The following NEMP2 variants were observed in gnomAD, a reference collection of about 807,000 sequenced individuals.
NEMP2 encodes the protein UPF0571 transmembrane protein.
In NEMP2, 53 loss-of-function variants were observed where a neutral mutation model predicts 54.2. The ratio of observed to expected loss-of-function variants is 0.98; its 90% CI spans 0.78 to 1.23. The LOEUF (loss-of-function observed/expected upper bound fraction) is 1.23. NEMP2 is among the 50% of genes most tolerant of loss of function. The probability of loss-of-function intolerance (pLI) is 0.00; values close to 1 mark genes in which losing one functional copy is unlikely to be tolerated. For missense variants in NEMP2, 455 were observed against 511.3 expected (o/e 0.89, Z 1.06); for synonymous variants, 197 against 190.3 (o/e 1.04, Z -0.29).
At chr2:190,463,290 T>A in the NEMP2 span, among the ~76,000 whole-genome samples, 1 of 152,194 alleles carries the variant, frequency 6.6e-6, no homozygotes, top group African/African-American at 2.4e-5. The surrounding 1 kb of genome is among the most constrained non-coding windows in gnomAD (Gnocchi z 4.4). Flanking sequence ...ATTTTCTTAC[T>A]CTCTTAAACT....
the NEMP2 span, among the ~76,000 whole-genome samples, chr2:190,425,353 A>T: frequency 1.4e-4 from 21 of 152,264 alleles, no homozygotes; most frequent in African/African-American, 4.8e-4. This position sits in a 1 kb window ranked among gnomAD's most constrained non-coding sequence, Gnocchi z 4.3. Context: ...CACTGGTGAG[A>T]ACTTCCAGCA....
the NEMP2 span, among the ~76,000 whole-genome samples, chr2:190,450,263 A>G: frequency 6.6e-6 from 1 of 152,098 alleles, no homozygotes; most frequent in Non-Finnish European, 1.5e-5. Flanking sequence ...CTGCAATTAT[A>G]TAATTTTGAA....
At chr2:190,556,868 A>G in the NEMP2 span, among the ~76,000 whole-genome samples, 1 of 152,232 alleles carries the variant, frequency 6.6e-6, no homozygotes, top group Non-Finnish European at 1.5e-5. Context: ...CATGGATAGG[A>G]AAAATCAATA....
At chr2:190,436,077 G>C in the NEMP2 span, 1 of 1,614,092 alleles carries the variant, frequency 6.2e-7, no homozygotes. The surrounding 1 kb of genome is among the most constrained non-coding windows in gnomAD (Gnocchi z 5.3). Context: ...AAGAGGAACA[G>C]AAGAGAAAGT....
At chr2:190,642,043 TC>T in the NEMP2 span, among the ~76,000 whole-genome samples, 2 of 152,236 alleles carry the variant, frequency 1.3e-5, no homozygotes, top group South Asian at 4.1e-4. The surrounding 1 kb of genome is among the most constrained non-coding windows in gnomAD (Gnocchi z 4.1). Context: ...TTCTGCTCTT[TC>T]TATAAGCAAT....
chr2:190,500,368 C>A, downstream of NEMP2: 1 of 768,354 alleles, frequency 1.3e-6, no homozygotes, highest in Non-Finnish European at 2.1e-6. This position sits in a 1 kb window ranked among gnomAD's most constrained non-coding sequence, Gnocchi z 5.3. Flanking sequence ...TGGAAACACA[C>A]ACACAGGAGC....
chr2:190,534,961 T>C (rs1347894350), upstream of NEMP2: 7 of 259,694 alleles, frequency 2.7e-5, no homozygotes, highest in Admixed American at 3.3e-4. Context: ...ACGCGGGGCG[T>C]CCAGGGCCTC....
chr2:190,633,636 A>T, the NEMP2 span, among the ~76,000 whole-genome samples: 1 of 152,092 alleles, frequency 6.6e-6, no homozygotes, highest in South Asian at 2.1e-4. Context: ...TTCATCTCCC[A>T]TGTCAACTGG....
the NEMP2 span, among the ~76,000 whole-genome samples, chr2:190,631,129 T>C: frequency 1.3e-5 from 2 of 152,198 alleles, no homozygotes; most frequent in African/African-American, 4.8e-5. Flanking sequence ...ATCTCAAGAA[T>C]TGTAAAGATA....
At chr2:190,540,086 TG>T in the NEMP2 span, among the ~76,000 whole-genome samples, 1 of 152,182 alleles carries the variant, frequency 6.6e-6, no homozygotes, top group Non-Finnish European at 1.5e-5. Context: ...TATTTTGAGA[TG>T]TTTTTTCTAT....
chr2:190,489,080 GC>G, the NEMP2 span, among the ~76,000 whole-genome samples: 1 of 152,172 alleles, frequency 6.6e-6, no homozygotes, highest in South Asian at 2.1e-4. This position sits in a 1 kb window ranked among gnomAD's most constrained non-coding sequence, Gnocchi z 6.6. Context: ...CCTCAAAGGA[GC>G]CAAACAAATG....
chr2:190,545,826 G>C, the NEMP2 span, among the ~76,000 whole-genome samples: 4 of 152,006 alleles, frequency 2.6e-5, no homozygotes, highest in East Asian at 7.7e-4. Flanking sequence ...GTTCTCCAGA[G>C]CCTCTGTTTT....
chr2:190,602,742 C>A, the NEMP2 span, among the ~76,000 whole-genome samples: 2 of 152,078 alleles, frequency 1.3e-5, no homozygotes, highest in African/African-American at 4.8e-5. Context: ...CTGGCTGGGG[C>A]AGAGAATGGG....
the NEMP2 span, among the ~76,000 whole-genome samples, chr2:190,598,706 T>C: frequency 6.6e-6 from 1 of 152,226 alleles, no homozygotes; most frequent in African/African-American, 2.4e-5. Context: ...CCATTTTAAA[T>C]TGGAATGTAA....
chr2:190,473,714 G>A, the NEMP2 span, among the ~76,000 whole-genome samples: 9 of 152,158 alleles, frequency 5.9e-5, no homozygotes, highest in African/African-American at 1.9e-4. Flanking sequence ...GCTTTCCTGA[G>A]TGGACCTAAT....
chr2:190,573,673 G>A, the NEMP2 span, among the ~76,000 whole-genome samples: 1 of 152,196 alleles, frequency 6.6e-6, no homozygotes, highest in South Asian at 2.1e-4. Flanking sequence ...AGACTCTGAG[G>A]TTGTCTGTTA....
chr2:190,458,604 G>A, the NEMP2 span, among the ~76,000 whole-genome samples: 1 of 152,236 alleles, frequency 6.6e-6, no homozygotes, highest in African/African-American at 2.4e-5. The surrounding 1 kb of genome is among the most constrained non-coding windows in gnomAD (Gnocchi z 5.3). Context: ...CCTTCCCCCC[G>A]AGTGCTTGAC....
At chr2:190,534,880 G>T, upstream of NEMP2, 1 of 373,022 alleles carries the variant, frequency 2.7e-6, no homozygotes, top group African/African-American at 2.1e-5. Flanking sequence ...GGAGCTTTCG[G>T]TGGCGCGACC....
At chr2:190,554,707 G>A in the NEMP2 span, among the ~76,000 whole-genome samples, 1 of 152,222 alleles carries the variant, frequency 6.6e-6, no homozygotes, top group Non-Finnish European at 1.5e-5. This position sits in a 1 kb window ranked among gnomAD's most constrained non-coding sequence, Gnocchi z 5.7. Flanking sequence ...AGCACCTGGG[G>A]GAAGGGGCGG....
Sources: gnomAD v4.1 joint callset for allele counts (sites outside exome capture counted in the v4.1 genomes callset) on GRCh38, gnomAD v4.1.1 for gene constraint, Gnocchi (gnomAD v3.1) non-coding constraint, MANE v1.5 for transcripts, NCBI Gene and HGNC (gene_info 2026-07-23, HGNC 2026-07-21) for gene names.